SACS: variants seen among roughly 807,000 people sequenced by gnomAD.
SACS encodes sacsin.
SACS carries 197 observed loss-of-function variants against 348.0 expected under a neutral mutation model. That is an observed-to-expected ratio of 0.57 (90% CI 0.50 to 0.64). The LOEUF (loss-of-function observed/expected upper bound fraction) is 0.64, where lower values mean the gene tolerates loss of function less well. Ranked by LOEUF, SACS falls within the 30% of genes least tolerant of loss-of-function variation. The probability of loss-of-function intolerance (pLI) is 0.00; values close to 1 mark genes in which losing one functional copy is unlikely to be tolerated. For missense variants in SACS, 4,999 were observed against 5,360.8 expected, an observed-to-expected ratio of 0.93 and a Z score of 2.11; for synonymous variants, 1,985 against 1,910.6, an observed-to-expected ratio of 1.04 and a Z score of -1.02.
chr13:23,380,099 C>T (rs141859075), intron 2 of SACS, among the ~76,000 whole-genome samples: 6 of 149,172 alleles, frequency 4.0e-5, no homozygotes, highest in Non-Finnish European at 8.9e-5. Context: ...AGGTCTCACC[C>T]CACAGTGGCC....
chr13:23,405,710 C>T (rs1235963731), intron 2 of SACS, among the ~76,000 whole-genome samples: 2 of 151,568 alleles, frequency 1.3e-5, no homozygotes, highest in African/African-American at 4.8e-5. Flanking sequence ...AAAAAAAAAC[C>T]CCATTAAAAA....
At position 23,332,296 on chromosome 13, in the gene SACS, T is replaced by C. The variant is rs1336912092; in HGVS notation, c.11580A>G (p.Ile3860Met). 6.2e-7 allele frequency: 1 copy of C among 1,613,940 alleles called. No individual in the cohort carries two copies. Among genetic ancestry groups the C allele is most frequent in the Non-Finnish European group, 8.5e-7 (1 of 1,179,954 alleles). Residue 3860 changes from isoleucine (I) to methionine (M), a missense_variant, in exon 10 of 10, where the codon ATA (isoleucine) becomes ATG (methionine). Ile to Met is a conservative substitution (Grantham distance 10). Transcript: ENST00000382292. ...TKQYVEVLSR[I>M]FKNSEGKQLD... is the part of the protein sequence containing the mutation. ...ATTGTTTGCCCTCAGAATTTTTAAA[T>C]ATGCGGCTCAACACTTCAACATATT...
intron 2 of SACS, among the ~76,000 whole-genome samples, chr13:23,402,231 A>G (rs1873010400): frequency 6.6e-6 from 1 of 152,128 alleles, no homozygotes; most frequent in Admixed American, 6.5e-5. Context: ...CTATGGATTC[A>G]TAAAATTGCT....
intron 2 of SACS, among the ~76,000 whole-genome samples, chr13:23,401,704 C>T (rs7333104): frequency 0.39 from 58,726 of 152,126 alleles, 11,840 homozygotes; most frequent in East Asian, 0.55. Flanking sequence ...GGCTTTTGCA[C>T]CACTTTTGTT....
At position 23,333,602 on chromosome 13, in the gene SACS, T is replaced by G; in HGVS notation, c.10274A>C (p.Lys3425Thr). Residue 3425 changes from lysine (K) to threonine (T), a missense_variant, in exon 10 of 10, where the codon AAA becomes ACA. Around this residue, in one of 6 missense-constraint regions of SACS, gnomAD observed 734 missense variants for 694.0 expected, o/e 1.06. Coordinates refer to ENST00000382292, the MANE Select transcript of SACS (RefSeq NM_014363.6). ...SISGRYVSIGKFGTCYVLTKS... is the reference protein window; with the variant it reads ...SISGRYVSIGTFGTCYVLTKS... The stretch of plus-strand genomic sequence containing the variant: ...TGTAAGTACGTAGCATGTTCCAAAT[T>G]TTCCAATGCTTACATAGCGGCCACT... 1 of 1,613,802 alleles carries G rather than the reference T, an allele frequency of 6.2e-7. No homozygotes were observed. The highest frequency in any genetic ancestry group is 8.5e-7 in the Non-Finnish European group (1 of 1,179,780).
At chr13:23,416,006 G>A (rs964608057) in intron 1 of SACS, among the ~76,000 whole-genome samples, 7 of 152,118 alleles carry the variant, frequency 4.6e-5, no homozygotes, top group African/African-American at 9.7e-5. Context: ...AAGGCCGGGC[G>A]TGGTGGCTCA....
intron 2 of SACS, 125 bp downstream of exon 2, chr13:23,411,095 T>G: frequency 1.3e-6 from 1 of 769,406 alleles, no homozygotes; most frequent in East Asian, 2.5e-5. Flanking sequence ...GAGATATGGA[T>G]GGTTAGTTCA....
intron 1 of SACS, among the ~76,000 whole-genome samples, chr13:23,422,964 T>C (rs1044796280): frequency 6.6e-6 from 1 of 152,214 alleles, no homozygotes; most frequent in Non-Finnish European, 1.5e-5. Flanking sequence ...TGCTTTATTA[T>C]ATCACTGAAT....
chr13:23,385,098 A>C (rs1017029706), intron 2 of SACS, among the ~76,000 whole-genome samples: 1 of 151,936 alleles, frequency 6.6e-6, no homozygotes, highest in African/African-American at 2.4e-5. Context: ...CATCTCTACT[A>C]AAAATACAAA....
chr13:23,334,781 T>G lies in SACS; in HGVS notation c.9095A>C (p.Gln3032Pro). ...KTRPFFDNLLQDELQHLKNAD... is the reference protein window; with the variant it reads ...KTRPFFDNLLPDELQHLKNAD... ...ATTTTTAAGGTGTTGTAATTCATCC[T>G]GTAGTAAATTGTCAAAAAATGGTCT... Residue 3032 changes from glutamine (Q) to proline (P), a missense_variant, in exon 10 of 10, where the codon CAG becomes CCG. Gln to Pro is a moderately conservative substitution (Grantham distance 76, BLOSUM62 -1). Transcript: ENST00000382292. 3 of 1,613,796 alleles carry G rather than the reference T, an allele frequency of 1.9e-6. No homozygotes were observed. Among genetic ancestry groups the G allele is most frequent in the Non-Finnish European group, 2.5e-6 (3 of 1,179,754 alleles).
chr13:23,385,743 A>G (rs1872266466), intron 2 of SACS, among the ~76,000 whole-genome samples: 1 of 152,222 alleles, frequency 6.6e-6, no homozygotes, highest in Non-Finnish European at 1.5e-5. Context: ...CGTCAGAGGA[A>G]TCACTATCTA....
chr13:23,355,127 A>C lies in SACS; in HGVS notation c.1485T>G (p.Phe495Leu). ...WRDPAALWNE[F>L]LVMNVVPKAY... ...CTTTGGGGACAACATTCATGACAAG[A>C]AACTCATTCCATAAGGCTGCCGGGT... Residue 495 changes from phenylalanine to leucine, a missense_variant, in exon 8 of 10, where the codon TTT (phenylalanine) becomes TTG (leucine). Physicochemically the swap from Phe to Leu is conservative, Grantham distance 22 (BLOSUM62 0). Around this residue, in one of 6 missense-constraint regions of SACS, gnomAD observed 3,156 missense variants for 3,380.1 expected, o/e 0.93. Coordinates refer to ENST00000382292, the MANE Select transcript of SACS (RefSeq NM_014363.6). 1 of 1,614,212 alleles carries C rather than the reference A, an allele frequency of 6.2e-7. No homozygotes were observed. The highest frequency in any genetic ancestry group is 8.5e-7 in the Non-Finnish European group (1 of 1,180,032).
intron 9 of SACS, among the ~76,000 whole-genome samples, chr13:23,353,453 C>G (rs1049690711): frequency 2.0e-5 from 3 of 152,130 alleles, no homozygotes; most frequent in African/African-American, 7.2e-5. Context: ...ACTGTCATTA[C>G]CAAACAAGCT....
chr13:23,362,666 A>G (rs545193446), intron 6 of SACS, among the ~76,000 whole-genome samples: 27 of 149,148 alleles, frequency 1.8e-4, no homozygotes, highest in African/African-American at 6.4e-4. Context: ...GCTCACTGCA[A>G]TCTCCACCTC....
chr13:23,342,625 AT>A (rs1184390557), intron 9 of SACS, among the ~76,000 whole-genome samples: 1 of 152,186 alleles, frequency 6.6e-6, no homozygotes, highest in Non-Finnish European at 1.5e-5. Context: ...ATTTTGGAAC[AT>A]TTGGGGTTTC....
rs376363316 is a variant in SACS, at chr13:23,363,081, G to T, written c.457+2085C>A. 3.3e-5 allele frequency among the ~76,000 whole-genome samples: 5 copies of T among 150,684 alleles called. No individual in the cohort carries two copies. In the East Asian group the frequency reaches 9.8e-4, roughly 29 times the overall value. Reference sequence around the variant, plus strand: ...TCACCACCACGCCCAGATAATTTTTGTATTTGTATTAGAGATGGGGTTTCA... The same window carrying T: ...TCACCACCACGCCCAGATAATTTTTTTATTTGTATTAGAGATGGGGTTTCA... On this transcript the variant is annotated intron_variant, in intron 6 of 9. Transcript: ENST00000382292.
chr13:23,330,244 A>G lies in SACS; in HGVS notation c.13632T>C (p.Phe4544=). ...TGAACCTGTCATTTGGGATCTGAGG[A>G]AAGGGAAGCAAATCAGGGTATCTTG... ...LKTRYPDLLP[F]PQIPNDRFTS... The change falls in exon 10 of 10, where the codon TTT becomes TTC. Residue 4544 remains phenylalanine, a synonymous_variant. Transcript: ENST00000382292. 1 of 1,614,180 alleles carries G rather than the reference A, an allele frequency of 6.2e-7. No homozygotes were observed.
intron 6 of SACS, among the ~76,000 whole-genome samples, chr13:23,362,869 A>T (rs1433085826): frequency 6.6e-6 from 1 of 151,754 alleles, no homozygotes; most frequent in Non-Finnish European, 1.5e-5. Flanking sequence ...TACAGGCAGG[A>T]GCCACCATGC....
At chr13:23,347,050 C>T (rs537759828) in intron 9 of SACS, among the ~76,000 whole-genome samples, 154 of 152,190 alleles carry the variant, frequency 1.0e-3, no homozygotes, top group African/African-American at 2.0e-3. Context: ...AATCGAAGTA[C>T]GTAAGAGTCA....
Sources: gnomAD v4.1 joint callset for allele counts (sites outside exome capture counted in the v4.1 genomes callset) on GRCh38, gnomAD v4.1.1 for gene constraint, gnomAD v4.1.1 regional missense constraint, MANE v1.5 for transcripts, NCBI Gene and HGNC (gene_info 2026-07-23, HGNC 2026-07-21) for gene names.